NCAM2: variants seen among roughly 807,000 people sequenced by gnomAD.
The protein encoded by NCAM2 is neural cell adhesion molecule 2.
In NCAM2, 30 loss-of-function variants were observed where a neutral mutation model predicts 98.1. The ratio of observed to expected loss-of-function variants is 0.31; its 90% confidence interval spans 0.23 to 0.41. The LOEUF is 0.41. Among genes scored for constraint, NCAM2 ranks in the 10% least tolerant of loss-of-function variants. The pLI, the probability that NCAM2 is intolerant of heterozygous loss-of-function variation, is 1.00. For missense variants in NCAM2, 867 were observed against 1,005.8 expected, an observed-to-expected ratio of 0.86 and a Z score of 1.87; for synonymous variants, 368 against 342.4, an observed-to-expected ratio of 1.07 and a Z score of -0.83.
intron 1 of NCAM2, among the ~76,000 whole-genome samples, chr21:21,211,977 C>G (rs1275134521): frequency 6.6e-6 from 1 of 152,074 alleles, no homozygotes; most frequent in Non-Finnish European, 1.5e-5. Flanking sequence ...ATAGTACAGC[C>G]ACTTGTGAAA....
At chr21:21,334,057 G>A (rs1003340521) in intron 6 of NCAM2, among the ~76,000 whole-genome samples, 10 of 151,680 alleles carry the variant, frequency 6.6e-5, no homozygotes, top group East Asian at 1.9e-4. Context: ...GCATCCCTTC[G>A]GAGTAGCTGG....
At chr21:21,190,867 A>G (rs914761881) in intron 1 of NCAM2, among the ~76,000 whole-genome samples, 118 of 152,156 alleles carry the variant, frequency 7.8e-4, no homozygotes, top group Non-Finnish European at 6.3e-4. Flanking sequence ...ACCATATGTA[A>G]AGTAGCATAT....
rs1480392198 is a variant in NCAM2, at chr21:21,180,588, A to G, written c.56-99990A>G. Among the ~76,000 whole-genome samples, 4 of 152,336 alleles carry G rather than the reference A, an allele frequency of 2.6e-5. No homozygotes were observed. The East Asian group carries it at 7.7e-4, about 29-fold the overall frequency. On this transcript the variant is annotated intron_variant, in intron 1 of 17. Transcript: ENST00000400546. ...ATGTTAATTGCTGTGTTGAAGATATAGATGTTTCCAGAGAAGCAGACATTT... is the reference window on the plus strand; with the variant it reads ...ATGTTAATTGCTGTGTTGAAGATATGGATGTTTCCAGAGAAGCAGACATTT...
chr21:21,270,414 T>G (rs2072448250), intron 1 of NCAM2, among the ~76,000 whole-genome samples: 1 of 152,108 alleles, frequency 6.6e-6, no homozygotes, highest in Non-Finnish European at 1.5e-5. Context: ...CTACTTTTAT[T>G]TACATTAAAT....
At chr21:21,199,367 C>A (rs759304410) in intron 1 of NCAM2, among the ~76,000 whole-genome samples, 2 of 152,162 alleles carry the variant, frequency 1.3e-5, no homozygotes, top group African/African-American at 4.8e-5. Context: ...CAGGTTGTTA[C>A]AACCATATCT....
At chr21:21,409,181 T>C (rs973449851) in intron 9 of NCAM2, among the ~76,000 whole-genome samples, 2 of 152,102 alleles carry the variant, frequency 1.3e-5, no homozygotes, top group African/African-American at 4.8e-5. Flanking sequence ...AGGCAGGAAA[T>C]TGAGAGGTTA....
intron 1 of NCAM2, among the ~76,000 whole-genome samples, chr21:21,127,548 G>A (rs1336751554): frequency 6.6e-6 from 1 of 151,974 alleles, no homozygotes; most frequent in Non-Finnish European, 1.5e-5. Flanking sequence ...TCGAACACTA[G>A]AACTTGTTTT....
chr21:21,467,428 T>TATATA (rs1555902035), intron 13 of NCAM2, among the ~76,000 whole-genome samples: 11 of 140,734 alleles, frequency 7.8e-5, no homozygotes, highest in African/African-American at 2.5e-4. Flanking sequence ...ATATATCTTT[T>TATATA]TATATATATA....
chr21:21,158,653 T>A (rs1332444152), intron 1 of NCAM2, among the ~76,000 whole-genome samples: 2 of 151,778 alleles, frequency 1.3e-5, no homozygotes, highest in African/African-American at 4.8e-5. Flanking sequence ...AATATTTATA[T>A]CACTTAGTGA....
rs373906229 is a variant in NCAM2, at chr21:21,283,879, G to C, written c.131-315G>C. 2.5e-3 allele frequency among the ~76,000 whole-genome samples: 377 copies of C among 151,958 alleles called. 3 individuals are homozygous for C. Among genetic ancestry groups the C allele is most frequent in the African/African-American group, 8.9e-3 (370 of 41,508 alleles). ...TGGCTCAGCAGTCAAGGAAGTTTCAGAACTTAAATGTAATAATCCATTGAT... is the reference window on the plus strand; with the variant it reads ...TGGCTCAGCAGTCAAGGAAGTTTCACAACTTAAATGTAATAATCCATTGAT... On this transcript the variant is annotated intron_variant, in intron 2 of 17. Coordinates refer to ENST00000400546, the MANE Select transcript of NCAM2 (RefSeq NM_004540.5).
chr21:21,532,734 A>G (rs1989775299), intron 16 of NCAM2, among the ~76,000 whole-genome samples: 1 of 152,172 alleles, frequency 6.6e-6, no homozygotes, highest in South Asian at 2.1e-4. Context: ...ACACTGGCAT[A>G]ATGCAGAATT....
chr21:21,297,906 G>A (rs1476239860), intron 5 of NCAM2, among the ~76,000 whole-genome samples: 1 of 151,694 alleles, frequency 6.6e-6, no homozygotes, highest in East Asian at 1.9e-4. Context: ...TTCAAATTGG[G>A]GTAATGGAGG....
intron 1 of NCAM2, among the ~76,000 whole-genome samples, chr21:21,084,501 A>G (rs1224237798): frequency 8.5e-5 from 13 of 152,278 alleles, no homozygotes; most frequent in Admixed American, 6.5e-4. Context: ...TCTGCCTACT[A>G]TTTAAAAAAT....
rs190299407 is a variant in NCAM2 at position 21,214,497 on chromosome 21, A to G, written c.56-66081A>G. ...TTGATTTCTTCTTACCAATCCAAGT[A>G]ATTGTCTTTAACTCCTTAGGGACTC... On this transcript the variant is annotated intron_variant, in intron 1 of 17. Transcript: ENST00000400546. Among the ~76,000 whole-genome samples the G allele has an allele frequency of 5.7e-4, 87 of 152,004 alleles. 1 individual carries two copies. The highest frequency in any genetic ancestry group is 2.1e-3 in the African/African-American group (86 of 41,520).
chr21:21,473,288 T>C (rs1212258637), intron 14 of NCAM2, among the ~76,000 whole-genome samples: 1 of 133,886 alleles, frequency 7.5e-6, no homozygotes, highest in Non-Finnish European at 1.7e-5. Flanking sequence ...GAATTCTGTA[T>C]ATGGTCTATC....
At chr21:21,031,478 A>G (rs2146222930) in intron 1 of NCAM2, among the ~76,000 whole-genome samples, 1 of 152,314 alleles carries the variant, frequency 6.6e-6, no homozygotes, top group African/African-American at 2.4e-5. Flanking sequence ...GATAGAGATT[A>G]GTGAGCTATT....
intron 1 of NCAM2, among the ~76,000 whole-genome samples, chr21:21,081,097 T>C (rs1227892137): frequency 2.0e-5 from 3 of 152,182 alleles, no homozygotes; most frequent in African/African-American, 4.8e-5. Flanking sequence ...GCTGTCCACG[T>C]GCACAGTGGC....
intron 10 of NCAM2, among the ~76,000 whole-genome samples, chr21:21,416,232 G>T (rs2076991416): frequency 6.6e-6 from 1 of 152,186 alleles, no homozygotes; most frequent in Non-Finnish European, 1.5e-5. Flanking sequence ...GGTACGGCCA[G>T]TCAGTGGAGC....
At chr21:21,412,416 C>A (rs1168110519) in intron 10 of NCAM2, among the ~76,000 whole-genome samples, 1 of 103,766 alleles carries the variant, frequency 9.6e-6, no homozygotes. Flanking sequence ...AGGAGGCGGG[C>A]AGTTCAGTCC....
Sources: gnomAD v4.1 joint callset for allele counts (sites outside exome capture counted in the v4.1 genomes callset) on GRCh38, gnomAD v4.1.1 for gene constraint, MANE v1.5 for transcripts, NCBI Gene and HGNC (gene_info 2026-07-23, HGNC 2026-07-21) for gene names.